Variants in KCNJ4 observed in about 807,000 individuals in gnomAD.
KCNJ4 encodes the protein inward rectifier potassium channel 4.
A neutral mutation model predicts 25.6 loss-of-function variants in KCNJ4; 3 were observed. The observed-to-expected ratio is 0.12, with a 90% CI of 0.05 to 0.30. The LOEUF is 0.30. Among genes scored for constraint, KCNJ4 ranks in the 10% least tolerant of loss-of-function variants. The probability of loss-of-function intolerance (pLI) is 1.00; values close to 1 mark genes in which losing one functional copy is unlikely to be tolerated. For missense variants in KCNJ4, 286 were observed against 666.8 expected (o/e 0.43, Z 6.29); for synonymous variants, 257 against 283.9 (o/e 0.91, Z 0.95).
Position 38,449,922 on chromosome 22 carries a change from A to C in KCNJ4, c.-40+5058T>G, listed in dbSNP as rs939721262. On this transcript the variant is annotated intron_variant, in intron 1 of 1. Coordinates refer to ENST00000303592, the MANE Select transcript of KCNJ4 (RefSeq NM_152868.3). This position sits in a 1 kb window ranked among gnomAD's most constrained non-coding sequence, Gnocchi z 5.2. ...GAGCGTGAGCTCACCCCTGCTCCCCATGCTGCACCCCACCCACCACCCCGT... is the reference window on the plus strand; with the variant it reads ...GAGCGTGAGCTCACCCCTGCTCCCCCTGCTGCACCCCACCCACCACCCCGT... Among the ~76,000 whole-genome samples the C allele has an allele frequency of 2.6e-5, 4 of 152,142 alleles. No homozygotes were observed. Among genetic ancestry groups the C allele is most frequent in the African/African-American group, 9.7e-5 (4 of 41,446 alleles).
chr22:38,429,712 C>T (rs750699222), intron 1 of KCNJ4, among the ~76,000 whole-genome samples: 1 of 152,202 alleles, frequency 6.6e-6, no homozygotes, highest in Non-Finnish European at 1.5e-5. Context: ...GACAGACCTT[C>T]TCTCCACCCC....
rs112103113 is a variant in KCNJ4 at position 38,443,167 on chromosome 22, G to A, written c.-40+11813C>T. 5.3e-5 allele frequency among the ~76,000 whole-genome samples: 8 copies of A among 152,086 alleles called. No individual in the cohort carries two copies. The highest frequency in any genetic ancestry group is 2.1e-4 in the South Asian group (1 of 4,818). ...TGATGGAGGCTCTGGACTGGCCCTC[G>A]TTTTCCTCCTTGAGTCCTCCAGGCC... On this transcript the variant is annotated intron_variant, in intron 1 of 1. Transcript: ENST00000303592. This position sits in a 1 kb window ranked among gnomAD's most constrained non-coding sequence, Gnocchi z 4.1.
Position 38,427,561 on chromosome 22 carries a change from G to A in KCNJ4, c.572C>T (p.Ala191Val), listed in dbSNP as rs1211791138. The A allele has an allele frequency of 1.9e-6, 3 of 1,610,882 alleles. No individual in the cohort carries two copies. Among genetic ancestry groups the A allele is most frequent in the East Asian group, 2.2e-5 (1 of 44,798 alleles). Residue 191 changes from alanine to valine, a missense_variant, in exon 2 of 2, where the codon GCG becomes GTG. By Grantham distance (64) the Ala-to-Val change is moderately conservative (BLOSUM62 0). Transcript: ENST00000303592. The stretch of plus-strand genomic sequence containing the variant: ...CTTGCCGTCGCGCACCGAAATGACC[G>A]CGTGGTGGCTGAACAGCAACGTCTG... ...RAQTLLFSHHAVISVRDGKLC... is the reference protein window; with the variant it reads ...RAQTLLFSHHVVISVRDGKLC...
rs529427386 is a variant in KCNJ4, at chr22:38,449,864, T to C, written c.-40+5116A>G. On this transcript the variant is annotated intron_variant, in intron 1 of 1. Coordinates refer to ENST00000303592, the MANE Select transcript of KCNJ4 (RefSeq NM_152868.3). This position sits in a 1 kb window ranked among gnomAD's most constrained non-coding sequence, Gnocchi z 5.2. Reference sequence around the variant, plus strand: ...ACGGGGCCAGGATTGGTCAAGACCTTTGGGAGTGGGGGGCCAAGACCAGAG... The same window carrying C: ...ACGGGGCCAGGATTGGTCAAGACCTCTGGGAGTGGGGGGCCAAGACCAGAG... Among the ~76,000 whole-genome samples the C allele has an allele frequency of 1.3e-5, 2 of 152,340 alleles. No individual in the cohort carries two copies. Among genetic ancestry groups the C allele is most frequent in the South Asian group, 2.1e-4 (1 of 4,830 alleles).
At chr22:38,451,815 C>G (rs1297019690) in intron 1 of KCNJ4, among the ~76,000 whole-genome samples, 1 of 152,216 alleles carries the variant, frequency 6.6e-6, no homozygotes, top group African/African-American at 2.4e-5. Context: ...CACTGTGACC[C>G]TGATGGGTCT....
chr22:38,435,696 A>G (rs762118750), intron 1 of KCNJ4, among the ~76,000 whole-genome samples: 11 of 136,676 alleles, frequency 8.0e-5, no homozygotes, highest in Admixed American at 2.9e-4. Flanking sequence ...CTGTCTCGGG[A>G]AAAAAAAAAA....
intron 1 of KCNJ4, among the ~76,000 whole-genome samples, chr22:38,436,705 A>G (rs1307772391): frequency 6.6e-6 from 1 of 152,144 alleles, no homozygotes; most frequent in African/African-American, 2.4e-5. Flanking sequence ...TTGAGCACGC[A>G]TTTACTCAGT....
intron 1 of KCNJ4, among the ~76,000 whole-genome samples, chr22:38,433,395 G>A (rs1477918555): frequency 6.6e-5 from 10 of 152,130 alleles, no homozygotes; most frequent in Admixed American, 4.6e-4. Context: ...GCAGTGAGCC[G>A]AGATCGTGTC....
At position 38,426,966 on chromosome 22, in the gene KCNJ4, C is replaced by T; in HGVS notation, c.1167G>A (p.Glu389=). Residue 389 remains glutamate, a synonymous_variant, in exon 2 of 2, where the codon GAG becomes GAA. Coordinates refer to ENST00000303592, the MANE Select transcript of KCNJ4 (RefSeq NM_152868.3). ...LMSQEEEEME[E]EAAAAAAVAA... is the part of the protein sequence containing the mutation. ...CCACCGCGGCCGCCGCAGCTGCCTC[C>T]TCCTCCATCTCCTCTTCCTCCTGGC... 1 of 1,612,772 alleles carries T rather than the reference C, an allele frequency of 6.2e-7. No homozygotes were observed. Among genetic ancestry groups the T allele is most frequent in the South Asian group, 1.1e-5 (1 of 91,070 alleles).
chr22:38,428,672 C>T (rs375144974), intron 1 of KCNJ4, among the ~76,000 whole-genome samples: 32 of 152,250 alleles, frequency 2.1e-4, no homozygotes, highest in Middle Eastern at 3.4e-3. Flanking sequence ...TTAATTAAAA[C>T]GAAATAAAAT....
intron 1 of KCNJ4, among the ~76,000 whole-genome samples, chr22:38,432,195 G>A (rs1243697727): frequency 6.6e-6 from 1 of 151,620 alleles, no homozygotes; most frequent in Non-Finnish European, 1.5e-5. Flanking sequence ...GGCAGAGGTT[G>A]CAGTGAGCCA....
At position 38,443,949 on chromosome 22, in the gene KCNJ4, C is replaced by T. The variant is rs1424510504; in HGVS notation, c.-40+11031G>A. Among the ~76,000 whole-genome samples the T allele has an allele frequency of 2.0e-5, 3 of 152,280 alleles. No homozygotes were observed. The highest frequency in any genetic ancestry group is 2.0e-4 in the Admixed American group (3 of 15,300). On this transcript the variant is annotated intron_variant, in intron 1 of 1. Coordinates refer to ENST00000303592, the MANE Select transcript of KCNJ4 (RefSeq NM_152868.3). The surrounding 1 kb of genome is among the most constrained non-coding windows in gnomAD (Gnocchi z 4.1). ...CTCTCCAACCACGGGAAGAGACCTT[C>T]CTTCCCGTCCCTTTAACGCACCAAG...
Position 38,427,967 on chromosome 22 carries a change from G to A in KCNJ4, c.166C>T (p.Arg56Cys). 6.2e-7 allele frequency: 1 copy of A among 1,614,182 alleles called. No homozygotes were observed. Among genetic ancestry groups the A allele is most frequent in the South Asian group, 1.1e-5 (1 of 91,092 alleles). The change falls in exon 2 of 2, where the codon CGC becomes TGC. Residue 56 changes from arginine (R) to cysteine (C), a missense_variant. Arg to Cys is a radical substitution (Grantham distance 180). This residue lies in a region of KCNJ4 where 36 missense variants were observed against 103.2 expected (regional missense o/e 0.35). Coordinates refer to ENST00000303592, the MANE Select transcript of KCNJ4 (RefSeq NM_152868.3). ...GCGGAGAAGATCATGAGCATGTAGC[G>A]CCAGCGCGTGTCCACGCAGGTGGTG... Reference protein sequence around the residue: ...IFTTCVDTRWRYMLMIFSAAF... With the variant: ...IFTTCVDTRWCYMLMIFSAAF...
At chr22:38,444,709 C>T (rs967987476) in intron 1 of KCNJ4, among the ~76,000 whole-genome samples, 1 of 152,216 alleles carries the variant, frequency 6.6e-6, no homozygotes, top group Admixed American at 6.5e-5. Flanking sequence ...GGGCCACAGC[C>T]CCAAGGGACT....
intron 1 of KCNJ4, among the ~76,000 whole-genome samples, chr22:38,435,133 T>TC (rs2093061681): frequency 6.6e-6 from 1 of 152,130 alleles, no homozygotes; most frequent in African/African-American, 2.4e-5. Context: ...CCATCATGGC[T>TC]CCCTGGCAGG....
At chr22:38,439,797 T>C (rs1192409917) in intron 1 of KCNJ4, among the ~76,000 whole-genome samples, 1 of 96,780 alleles carries the variant, frequency 1.0e-5, no homozygotes, top group Non-Finnish European at 2.1e-5. Flanking sequence ...AAAAAAGAAA[T>C]ACAACATTCC....
At chr22:38,429,958 G>C (rs1166481917) in intron 1 of KCNJ4, among the ~76,000 whole-genome samples, 1 of 152,212 alleles carries the variant, frequency 6.6e-6, no homozygotes, top group East Asian at 1.9e-4. Flanking sequence ...ACGCGCCAAC[G>C]CTATAATTTA....
rs538975371 is a variant in KCNJ4, at chr22:38,432,706, C to T, written c.-39-4535G>A. 2.6e-4 allele frequency among the ~76,000 whole-genome samples: 40 copies of T among 152,302 alleles called. 1 individual carries two copies. The highest frequency in any genetic ancestry group is 8.9e-4 in the African/African-American group (37 of 41,566). On this transcript the variant is annotated intron_variant, in intron 1 of 1. Transcript: ENST00000303592. Reference sequence around the variant, plus strand: ...TCAATGGGCCGGGCGCGGTGGCTCACGCCTGTAACCCCAGAACTTTGGGAG... The same window carrying T: ...TCAATGGGCCGGGCGCGGTGGCTCATGCCTGTAACCCCAGAACTTTGGGAG...
At chr22:38,444,453 C>G (rs539214356) in intron 1 of KCNJ4, among the ~76,000 whole-genome samples, 1 of 152,302 alleles carries the variant, frequency 6.6e-6, no homozygotes, top group African/African-American at 2.4e-5. Context: ...TGGCCATGAG[C>G]AGAGGGGACA....
Sources: allele counts gnomAD v4.1 joint callset (sites outside exome capture counted in the v4.1 genomes callset), GRCh38; gene constraint gnomAD v4.1.1; regional missense constraint gnomAD v4.1.1; non-coding constraint Gnocchi (gnomAD v3.1); transcripts MANE v1.5; gene names NCBI Gene and HGNC (gene_info 2026-07-23, HGNC 2026-07-21).